The following TMEM196 variants were observed in gnomAD, a reference collection of about 807,000 sequenced individuals.
The protein encoded by TMEM196 is transmembrane protein 196.
A neutral mutation model predicts 20.0 loss-of-function variants in TMEM196; 17 were observed. The observed-to-expected ratio is 0.85, with a 90% CI of 0.58 to 1.27. The LOEUF is 1.27. TMEM196 is among the 50% of genes most tolerant of loss of function. The pLI, the probability that TMEM196 is intolerant of heterozygous loss-of-function variation, is 0.00. For missense variants in TMEM196, 267 were observed against 223.0 expected (o/e 1.20, Z -1.26); for synonymous variants, 113 against 88.9 (o/e 1.27, Z -1.52).
intron 1 of TMEM196, among the ~76,000 whole-genome samples, chr7:19,729,968 A>C (rs1439649591): frequency 6.6e-6 from 1 of 152,188 alleles, no homozygotes; most frequent in Non-Finnish European, 1.5e-5. Flanking sequence ...AAGAACACAA[A>C]GAGATAGGCT....
intron 1 of TMEM196, among the ~76,000 whole-genome samples, chr7:19,768,394 C>T (rs1475885217): frequency 6.6e-6 from 1 of 151,882 alleles, no homozygotes; most frequent in African/African-American, 2.4e-5. Flanking sequence ...TTTAGATTTC[C>T]AAATCTCAAC....
intron 1 of TMEM196, among the ~76,000 whole-genome samples, chr7:19,758,830 A>G (rs563491469): frequency 4.9e-4 from 75 of 152,176 alleles, no homozygotes; most frequent in Non-Finnish European, 4.7e-4. Flanking sequence ...TTTAATGTGC[A>G]TCTTCACTCA....
At chr7:19,745,000 C>G (rs923671397) in intron 1 of TMEM196, among the ~76,000 whole-genome samples, 1 of 152,054 alleles carries the variant, frequency 6.6e-6, no homozygotes, top group Non-Finnish European at 1.5e-5. Flanking sequence ...AGTCATCTCT[C>G]CATATGTGCA....
intron 1 of TMEM196, among the ~76,000 whole-genome samples, chr7:19,768,922 G>A (rs1329543053): frequency 6.6e-6 from 1 of 151,958 alleles, no homozygotes; most frequent in Non-Finnish European, 1.5e-5. Flanking sequence ...TCAGGTTTTT[G>A]TATTTCCATA....
chr7:19,772,215 C>G (rs1288352127), intron 1 of TMEM196, among the ~76,000 whole-genome samples: 1 of 150,662 alleles, frequency 6.6e-6, no homozygotes, highest in Non-Finnish European at 1.5e-5. Flanking sequence ...TGACACCCCC[C>G]TCCCCCCGCC....
rs1784540621 is a variant in TMEM196 at position 19,740,265 on chromosome 7, T to C, written c.148-10827A>G. ...AAGGTGTAAAATTGTGTATGTAATA[T>C]ACTACCTTTTGTGTAGAAAGGCAAG... On this transcript the variant is annotated intron_variant, in intron 1 of 4. Transcript: ENST00000405844. 2.6e-5 allele frequency among the ~76,000 whole-genome samples: 4 copies of C among 152,168 alleles called. No homozygotes were observed. The South Asian group carries it at 8.3e-4, about 31-fold the overall frequency.
chr7:19,752,080 T>C (rs1785009762), intron 1 of TMEM196, among the ~76,000 whole-genome samples: 1 of 152,224 alleles, frequency 6.6e-6, no homozygotes, highest in Non-Finnish European at 1.5e-5. Flanking sequence ...TAAAGCATAA[T>C]GTTATATTCA....
intron 2 of TMEM196, among the ~76,000 whole-genome samples, chr7:19,727,398 A>C (rs1784035935): frequency 6.6e-6 from 1 of 152,186 alleles, no homozygotes; most frequent in South Asian, 2.1e-4. Context: ...TCATTTCTTC[A>C]ACTTAATTCA....
intron 1 of TMEM196, among the ~76,000 whole-genome samples, chr7:19,768,787 A>T (rs1785738347): frequency 6.6e-6 from 1 of 152,102 alleles, no homozygotes; most frequent in African/African-American, 2.4e-5. Context: ...AATTGCCCAT[A>T]TTTAAAAATT....
At chr7:19,741,708 C>T (rs1393599213) in intron 1 of TMEM196, among the ~76,000 whole-genome samples, 1 of 152,090 alleles carries the variant, frequency 6.6e-6, no homozygotes, top group East Asian at 1.9e-4. Flanking sequence ...AGTACTTTTG[C>T]ACTGAGTGAT....
chr7:19,751,314 C>T (rs1562621228), intron 1 of TMEM196, among the ~76,000 whole-genome samples: 2 of 152,162 alleles, frequency 1.3e-5, no homozygotes, highest in African/African-American at 4.8e-5. Flanking sequence ...ATTTTTCATT[C>T]TGGGAAAAGG....
At chr7:19,740,724 C>A (rs1266599456) in intron 1 of TMEM196, among the ~76,000 whole-genome samples, 3 of 152,008 alleles carry the variant, frequency 2.0e-5, no homozygotes, top group African/African-American at 7.2e-5. Context: ...CCACCGAGGT[C>A]ATTGTTTTGC....
At chr7:19,732,521 C>G (rs1172217496) in intron 1 of TMEM196, among the ~76,000 whole-genome samples, 1 of 147,608 alleles carries the variant, frequency 6.8e-6, no homozygotes, top group Non-Finnish European at 1.5e-5. Context: ...TGCAGTGAGC[C>G]GAGATCGCAT....
intron 1 of TMEM196, among the ~76,000 whole-genome samples, chr7:19,771,349 T>C (rs943457870): frequency 6.6e-6 from 1 of 152,202 alleles, no homozygotes. Context: ...TTTTCTTTTT[T>C]GTAGTTCTGC....
chr7:19,751,969 G>A (rs2128031106), intron 1 of TMEM196, among the ~76,000 whole-genome samples: 2 of 152,278 alleles, frequency 1.3e-5, no homozygotes, highest in Non-Finnish European at 2.9e-5. Flanking sequence ...AGGATTGTAA[G>A]TGGACTGTCT....
chr7:19,726,807 T>C (rs976526905), intron 2 of TMEM196, among the ~76,000 whole-genome samples: 2 of 152,202 alleles, frequency 1.3e-5, no homozygotes, highest in Admixed American at 6.5e-5. Flanking sequence ...GCTTTCATGA[T>C]ACTTTGTACT....
intron 1 of TMEM196, among the ~76,000 whole-genome samples, chr7:19,764,833 A>T (rs1286994944): frequency 6.6e-6 from 1 of 152,262 alleles, no homozygotes; most frequent in South Asian, 2.1e-4. Context: ...GAAAATAGAT[A>T]AAAAGAATGA....
chr7:19,761,197 A>G (rs1451950915), intron 1 of TMEM196, among the ~76,000 whole-genome samples: 1 of 152,200 alleles, frequency 6.6e-6, no homozygotes, highest in East Asian at 1.9e-4. Flanking sequence ...ATTTTAGCAT[A>G]GCGTACATCT....
Position 19,720,690 on chromosome 7 carries a change from G to T in TMEM196, c.*1438C>A, listed in dbSNP as rs1314504217. 6.6e-6 allele frequency: 1 copy of T among 151,882 alleles called. No individual in the cohort carries two copies. Among genetic ancestry groups the T allele is most frequent in the Non-Finnish European group, 1.5e-5 (1 of 67,804 alleles). 9.4% of individuals were successfully genotyped at this position (151,882 alleles called of 1,614,324 possible). ...TTAACATTCCATTATTAGAGGAAAG[G>T]ATTGAATCTAGCTATACAAATGTTA... is the stretch of plus-strand genomic sequence containing the variant. On this transcript the variant is annotated 3_prime_UTR_variant, in exon 5 of 5. Transcript: ENST00000405844.
Sources: gnomAD v4.1 joint callset for allele counts (sites outside exome capture counted in the v4.1 genomes callset) on GRCh38, gnomAD v4.1.1 for gene constraint, MANE v1.5 for transcripts, NCBI Gene and HGNC (gene_info 2026-07-23, HGNC 2026-07-21) for gene names.